Variants in TEX11 observed in about 807,000 individuals in gnomAD.
TEX11 encodes the protein testis-expressed protein 11.
A neutral mutation model predicts 84.4 loss-of-function variants in TEX11; 7 were observed. The ratio of observed to expected loss-of-function variants is 0.08; its 90% CI spans 0.05 to 0.16. The LOEUF is 0.16. Ranked by LOEUF, TEX11 falls within the 10% of genes least tolerant of loss-of-function variation. The pLI is 1.00. For synonymous variants in TEX11, 264 were observed against 222.8 expected, an observed-to-expected ratio of 1.18 and a Z score of -1.64; for missense variants, 551 against 660.5, an observed-to-expected ratio of 0.83 and a Z score of 1.82.
chrX:70,663,975 T>C (rs1441718659), intron 16 of TEX11, among the ~76,000 whole-genome samples: 1 of 111,989 alleles, frequency 8.9e-6, no homozygotes. Flanking sequence ...TCTAGATTAC[T>C]TACACCTAAT....
At chrX:70,553,606 G>C (rs2088248566) in intron 26 of TEX11, among the ~76,000 whole-genome samples, 192 bp from the exon 27 acceptor site, 1 of 111,542 alleles carries the variant, frequency 9.0e-6, no homozygotes, top group Admixed American at 9.6e-5. Flanking sequence ...GGGCAGAGTA[G>C]CATGGTGGGA....
Position 70,672,752 on chromosome X carries a change from T to C in TEX11, c.1243-2238A>G, listed in dbSNP as rs1337684359. On this transcript the variant is annotated intron_variant, in intron 15 of 29. Coordinates refer to ENST00000374333, the MANE Select transcript of TEX11 (RefSeq NM_031276.3). ...TTTTAGCTACTAGCCCATTATTGTA[T>C]ACATGGTCTGAAAATTTTTCTCCCA... is the stretch of plus-strand genomic sequence containing the variant. The C allele has an allele frequency of 1.8e-5, 2 of 112,310 alleles. 1 individual carries two copies. The highest frequency in any genetic ancestry group is 3.8e-5 in the Non-Finnish European group (2 of 53,315). The allele number at this position is 112,310 out of a possible 1,213,427, so 9.3% of individuals were successfully genotyped here.
intron 9 of TEX11, among the ~76,000 whole-genome samples, chrX:70,784,209 G>A (rs779609233): frequency 2.7e-5 from 3 of 111,584 alleles, no homozygotes; most frequent in Admixed American, 1.9e-4. Context: ...ATCACATAAA[G>A]AGAACCAATG....
At chrX:70,833,255 G>C (rs2091386654) in intron 8 of TEX11, among the ~76,000 whole-genome samples, 1 of 101,447 alleles carries the variant, frequency 9.9e-6, no homozygotes, top group African/African-American at 3.8e-5. Flanking sequence ...GGGTGACAGA[G>C]TGAGACTCCA....
intron 28 of TEX11, among the ~76,000 whole-genome samples, chrX:70,534,225 G>A (rs746911606): frequency 1.8e-5 from 2 of 110,925 alleles, no homozygotes; most frequent in South Asian, 3.9e-4. Context: ...AAGATAAAAG[G>A]TGTGTAACTT....
At chrX:70,843,548 G>A (rs772121055) in intron 7 of TEX11, among the ~76,000 whole-genome samples, 2 of 111,664 alleles carry the variant, frequency 1.8e-5, no homozygotes, top group Admixed American at 1.9e-4. Context: ...ATAGGCATGG[G>A]CAAGGACTTC....
intron 25 of TEX11, among the ~76,000 whole-genome samples, chrX:70,576,228 T>C (rs923492940): frequency 8.9e-6 from 1 of 111,967 alleles, no homozygotes; most frequent in Non-Finnish European, 1.9e-5. Context: ...GGAGTAGATT[T>C]TTAAAAGGAT....
At chrX:70,619,816 C>CTT (rs550244042) in intron 20 of TEX11, among the ~76,000 whole-genome samples, 2 of 100,390 alleles carry the variant, frequency 2.0e-5, no homozygotes, top group Admixed American at 1.1e-4. Flanking sequence ...GTGCCAGTAT[C>CTT]TTTTTTTTTT....
chrX:70,569,976 C>T (rs1156278953), intron 25 of TEX11, among the ~76,000 whole-genome samples: 1 of 112,038 alleles, frequency 8.9e-6, no homozygotes, highest in Non-Finnish European at 1.9e-5. Context: ...GAGGTTATTG[C>T]TGTCTTTGTT....
At chrX:70,819,513 C>T (rs997492809) in intron 8 of TEX11, among the ~76,000 whole-genome samples, 15 of 110,879 alleles carry the variant, frequency 1.4e-4, no homozygotes, top group African/African-American at 3.9e-4. Flanking sequence ...TTTTCCTCCA[C>T]GATCTAGTAC....
chrX:70,634,920 G>A (rs1334516510), intron 17 of TEX11, among the ~76,000 whole-genome samples: 1 of 112,127 alleles, frequency 8.9e-6, no homozygotes, highest in Non-Finnish European at 1.9e-5. Context: ...ATAGGACTAT[G>A]TCGAAATTTA....
chrX:70,664,808 C>A (rs1475811102), intron 16 of TEX11, among the ~76,000 whole-genome samples: 1 of 96,661 alleles, frequency 1.0e-5, no homozygotes, highest in African/African-American at 3.8e-5. Context: ...TTTTTTGCAT[C>A]CATATAGATG....
At chrX:70,734,272 G>A (rs1296104871) in intron 11 of TEX11, among the ~76,000 whole-genome samples, 13 of 108,456 alleles carry the variant, frequency 1.2e-4, no homozygotes, top group African/African-American at 3.7e-4. Context: ...CCTGCACGTC[G>A]TGCACATGTA....
chrX:70,872,293 A>C (rs998123148), intron 4 of TEX11, among the ~76,000 whole-genome samples: 1 of 112,397 alleles, frequency 8.9e-6, no homozygotes, highest in Non-Finnish European at 1.9e-5. Flanking sequence ...TGTTCTCTAA[A>C]CATGCTAATA....
intron 25 of TEX11, among the ~76,000 whole-genome samples, chrX:70,566,361 T>A (rs1337218501): frequency 8.6e-5 from 9 of 104,872 alleles, no homozygotes; most frequent in Non-Finnish European, 1.6e-4. Context: ...CAGGGACAAT[T>A]TGACTTCCTC....
chrX:70,825,084 C>A (rs1047758775), intron 8 of TEX11, among the ~76,000 whole-genome samples: 1 of 110,776 alleles, frequency 9.0e-6, no homozygotes, highest in Non-Finnish European at 1.9e-5. Flanking sequence ...GAGGCGGAGG[C>A]GGGCAGATCA....
intron 3 of TEX11, among the ~76,000 whole-genome samples, chrX:70,876,278 A>G (rs2147870349): frequency 8.9e-6 from 1 of 112,118 alleles, no homozygotes; most frequent in South Asian, 3.7e-4. Flanking sequence ...CATTAAAATA[A>G]TAGTAGTTAT....
At chrX:70,745,264 C>T (rs2090761354) in intron 9 of TEX11, among the ~76,000 whole-genome samples, 1 of 110,296 alleles carries the variant, frequency 9.1e-6, no homozygotes, top group Non-Finnish European at 1.9e-5. Context: ...ATCTATGGGA[C>T]ATTCCAGTAA....
chrX:70,755,164 G>A (rs2147762895), intron 9 of TEX11, among the ~76,000 whole-genome samples: 1 of 112,489 alleles, frequency 8.9e-6, no homozygotes, highest in African/African-American at 3.2e-5. Context: ...ACAGAGACAT[G>A]TGACCTTTCA....
Sources: gnomAD v4.1 joint callset for allele counts (sites outside exome capture counted in the v4.1 genomes callset) on GRCh38, gnomAD v4.1.1 for gene constraint, MANE v1.5 for transcripts, NCBI Gene and HGNC (gene_info 2026-07-23, HGNC 2026-07-21) for gene names.